Variants in SLC4A10 observed in about 807,000 individuals in gnomAD.
The protein encoded by SLC4A10 is solute carrier family 4 member 10, also known as sodium-driven chloride bicarbonate exchanger.
SLC4A10 carries 42 observed loss-of-function variants against 137.7 expected under a neutral mutation model. That is an observed-to-expected ratio of 0.30 (90% CI 0.24 to 0.39). The LOEUF (loss-of-function observed/expected upper bound fraction) is 0.39, where lower values mean the gene tolerates loss of function less well. Ranked by LOEUF, SLC4A10 falls within the 10% of genes least tolerant of loss-of-function variation. The pLI, the probability that SLC4A10 is intolerant of heterozygous loss-of-function variation, is 1.00. For synonymous variants in SLC4A10, 474 were observed against 464.1 expected (o/e 1.02, Z -0.27); for missense variants, 925 against 1,355.0 (o/e 0.68, Z 4.98).
rs925077721 is a variant in SLC4A10, at chr2:161,862,955, A to C, written c.659A>C (p.Gln220Pro). 1.2e-6 allele frequency: 2 copies of C among 1,613,692 alleles called. No individual in the cohort carries two copies. Among genetic ancestry groups the C allele is most frequent in the African/African-American group, 2.7e-5 (2 of 74,936 alleles). ...RHRVHEALMK[Q>P]HHHQNQKKLT... is the part of the protein sequence containing the mutation. ...AGGGTCCATGAGGCATTGATGAAAC[A>C]GCATCATCATCAGAATCAGAAAAAA... The change falls in exon 6 of 27, where the codon CAG (glutamine) becomes CCG (proline). Residue 220 changes from glutamine to proline, a missense_variant. Transcript: ENST00000446997.
intron 1 of SLC4A10, among the ~76,000 whole-genome samples, chr2:161,679,324 CAAAATCTTTTT>C (rs1385466013): frequency 6.6e-6 from 1 of 152,000 alleles, no homozygotes; most frequent in Non-Finnish European, 1.5e-5. Flanking sequence ...TTAAGGAGCA[CAAAATCTTTTT>C]ATTTAGTAAA....
rs541001669 is a variant in SLC4A10 at position 161,774,010 on chromosome 2, A to G, written c.130+2956A>G. On this transcript the variant is annotated intron_variant, in intron 2 of 26. Coordinates refer to ENST00000446997, the MANE Select transcript of SLC4A10 (RefSeq NM_001178015.2). ...ACTGCTCTACTTCCCTCTCTCTCCT[A>G]TGTACTGTGGACTGAGTCTTTCCCA... is the stretch of plus-strand genomic sequence containing the variant. Among the ~76,000 whole-genome samples the G allele has an allele frequency of 1.1e-3, 174 of 151,526 alleles. 2 individuals carry two copies. The highest frequency in any genetic ancestry group is 4.1e-3 in the African/African-American group (170 of 41,344).
At chr2:161,857,064 T>A (rs1429173014) in intron 5 of SLC4A10, among the ~76,000 whole-genome samples, 1 of 152,184 alleles carries the variant, frequency 6.6e-6, no homozygotes, top group Non-Finnish European at 1.5e-5. Flanking sequence ...CCTCAGAAAG[T>A]TATTCCTATG....
chr2:161,916,961 A>G (rs1327325150), intron 15 of SLC4A10, among the ~76,000 whole-genome samples: 2 of 152,208 alleles, frequency 1.3e-5, no homozygotes, highest in Admixed American at 1.3e-4. Flanking sequence ...CCCTTAAGTG[A>G]GTTTTGGCAA....
Position 161,905,896 on chromosome 2 carries a change from C to T in SLC4A10, c.1997+9C>T, listed in dbSNP as rs1427748296. On this transcript the variant is annotated intron_variant, in intron 15 of 26. Coordinates refer to ENST00000446997, the MANE Select transcript of SLC4A10 (RefSeq NM_001178015.2). ...CTGCTGACACAATACTCGTAAGTAC[C>T]ATTTCCCCTGCTGGCCTTGGGGCTT... The T allele has an allele frequency of 1.3e-6, 2 of 1,586,408 alleles. No homozygotes were observed. Among genetic ancestry groups the T allele is most frequent in the South Asian group, 1.2e-5 (1 of 86,356 alleles).
chr2:161,942,465 T>C (rs2105758542), intron 15 of SLC4A10, among the ~76,000 whole-genome samples: 1 of 152,318 alleles, frequency 6.6e-6, no homozygotes, highest in Non-Finnish European at 1.5e-5. Context: ...TTAATTTTAA[T>C]TGATATGATT....
chr2:161,724,534 A>G (rs565233439), intron 1 of SLC4A10, among the ~76,000 whole-genome samples: 2 of 152,322 alleles, frequency 1.3e-5, no homozygotes, highest in Admixed American at 6.5e-5. Flanking sequence ...TATAATCTTT[A>G]GTGCAGCGTG....
At chr2:161,778,096 T>C (rs751474003) in intron 2 of SLC4A10, among the ~76,000 whole-genome samples, 6 of 150,644 alleles carry the variant, frequency 4.0e-5, no homozygotes, top group Admixed American at 6.6e-5. Context: ...TCTGCTACTT[T>C]CTACAGTCTG....
At chr2:161,830,484 T>C (rs1226561729) in intron 3 of SLC4A10, among the ~76,000 whole-genome samples, 2 of 151,944 alleles carry the variant, frequency 1.3e-5, no homozygotes, top group Non-Finnish European at 2.9e-5. Flanking sequence ...TTTTTTTTTT[T>C]TCCTGTTATT....
At chr2:161,845,086 T>C (rs556592217) in intron 4 of SLC4A10, among the ~76,000 whole-genome samples, 1 of 152,240 alleles carries the variant, frequency 6.6e-6, no homozygotes, top group South Asian at 2.1e-4. Context: ...TTTAGGTCAT[T>C]AACTGCAATC....
intron 1 of SLC4A10, among the ~76,000 whole-genome samples, chr2:161,681,121 C>T (rs1173623941): frequency 6.6e-6 from 1 of 152,100 alleles, no homozygotes; most frequent in African/African-American, 2.4e-5. Context: ...ATACCACTTA[C>T]TTCAAATTCT....
At chr2:161,935,011 CA>C (rs1459230674) in intron 15 of SLC4A10, among the ~76,000 whole-genome samples, 1 of 152,050 alleles carries the variant, frequency 6.6e-6, no homozygotes, top group Non-Finnish European at 1.5e-5. Flanking sequence ...ATTATGCAGA[CA>C]AATGGCAATG....
chr2:161,856,923 A>G (rs965863805), intron 5 of SLC4A10, among the ~76,000 whole-genome samples: 7 of 152,168 alleles, frequency 4.6e-5, no homozygotes, highest in Non-Finnish European at 1.0e-4. Flanking sequence ...AAAATAGATT[A>G]ATCCAAATAC....
intron 1 of SLC4A10, chr2:161,651,180 T>G (rs941565842): frequency 6.6e-6 from 1 of 152,446 alleles, no homozygotes; most frequent in Non-Finnish European, 1.5e-5. Context: ...GCTACCCATT[T>G]TGGGACTCCT....
chr2:161,771,580 G>A (rs188552995), intron 2 of SLC4A10, among the ~76,000 whole-genome samples: 23 of 151,934 alleles, frequency 1.5e-4, no homozygotes, highest in Non-Finnish European at 2.5e-4. Flanking sequence ...TACCAGTGCT[G>A]CCCCTTATTT....
intron 2 of SLC4A10, among the ~76,000 whole-genome samples, chr2:161,785,220 A>G (rs2053489535): frequency 6.6e-6 from 1 of 151,926 alleles, no homozygotes; most frequent in South Asian, 2.1e-4. Context: ...AATAACAAGC[A>G]AGAAAATTAA....
chr2:161,921,565 G>T (rs147175377), intron 15 of SLC4A10, among the ~76,000 whole-genome samples: 2 of 152,224 alleles, frequency 1.3e-5, no homozygotes, highest in Non-Finnish European at 2.9e-5. Context: ...ATCCAGGATT[G>T]ATTCACTTGT....
chr2:161,976,711 A>C (rs780898452), intron 24 of SLC4A10, 49 bp from the exon 25 acceptor site: 7 of 887,248 alleles, frequency 7.9e-6, no homozygotes, highest in Non-Finnish European at 1.0e-5. Context: ...GAAAAACTGC[A>C]GTTACTTATG....
chr2:161,894,503 A>G (rs1367690978), intron 10 of SLC4A10, among the ~76,000 whole-genome samples, 176 bp from the exon 11 acceptor site: 1 of 152,038 alleles, frequency 6.6e-6, no homozygotes, highest in African/African-American at 2.4e-5. Flanking sequence ...AGTTACCTAT[A>G]TGGATCCATA....
Sources: allele counts gnomAD v4.1 joint callset (sites outside exome capture counted in the v4.1 genomes callset), GRCh38; gene constraint gnomAD v4.1.1; transcripts MANE v1.5; gene names NCBI Gene and HGNC (gene_info 2026-07-23, HGNC 2026-07-21).